Variants in MYO6 observed in about 807,000 individuals in gnomAD.
MYO6 encodes unconventional myosin-VI.
MYO6 carries 74 observed loss-of-function variants against 178.7 expected under a neutral mutation model. That is an observed-to-expected ratio of 0.41 (90% CI 0.34 to 0.50). The LOEUF is 0.50. MYO6 is among the 20% of genes least tolerant of loss of function. MYO6 has a pLI of 0.09. For missense variants in MYO6, 1,330 were observed against 1,547.4 expected (o/e 0.86, Z 2.36); for synonymous variants, 477 against 504.6 (o/e 0.95, Z 0.73).
chr6:75,833,314 T>TA (rs1773317555), intron 6 of MYO6, among the ~76,000 whole-genome samples: 1 of 152,174 alleles, frequency 6.6e-6, no homozygotes, highest in Admixed American at 6.5e-5. Context: ...TTTTTTCTGG[T>TA]AAAAAAATAC....
In MYO6 at chr6:75,916,270, C is replaced by A. The variant is rs1240775386; in HGVS notation, c.*1258C>A. Reference sequence around the variant, plus strand: ...TGCTTTTTCCCCCAGTTTTTAGAGACCCTAACCTTTGAAATGAAATTCCAG... The same window carrying A: ...TGCTTTTTCCCCCAGTTTTTAGAGAACCTAACCTTTGAAATGAAATTCCAG... On this transcript the variant is annotated 3_prime_UTR_variant, in exon 35 of 35. Transcript: ENST00000369977. The A allele has an allele frequency of 3.3e-5, 5 of 152,118 alleles. No individual in the cohort carries two copies. Among genetic ancestry groups the A allele is most frequent in the African/African-American group, 1.2e-4 (5 of 41,402 alleles). The allele number at this position is 152,118 out of a possible 1,614,324, so 9.4% of individuals were successfully genotyped here.
At chr6:75,842,308 A>G (rs900665233) in intron 9 of MYO6, among the ~76,000 whole-genome samples, 1 of 152,152 alleles carries the variant, frequency 6.6e-6, no homozygotes, top group Non-Finnish European at 1.5e-5. Flanking sequence ...TCAGGTTAGA[A>G]AACAGTGTAC....
At chr6:75,838,980 T>C (rs569175131) in intron 7 of MYO6, among the ~76,000 whole-genome samples, 1 of 151,540 alleles carries the variant, frequency 6.6e-6, no homozygotes, top group East Asian at 2.0e-4. Flanking sequence ...GCTTCAGTTT[T>C]TTTATCCCAT....
intron 1 of MYO6, among the ~76,000 whole-genome samples, chr6:75,782,593 C>T (rs1400931737): frequency 6.6e-6 from 1 of 152,128 alleles, no homozygotes; most frequent in African/African-American, 2.4e-5. Context: ...AATGTCTTAC[C>T]ATTCTCTTAA....
At chr6:75,818,868 TAAA>T (rs3839377) in intron 2 of MYO6, among the ~76,000 whole-genome samples, 1 of 149,094 alleles carries the variant, frequency 6.7e-6, no homozygotes, top group Non-Finnish European at 1.5e-5. Context: ...AGTACATGTT[TAAA>T]AAAAAAAGCT....
At chr6:75,904,450 C>T (rs887126877) in intron 30 of MYO6, among the ~76,000 whole-genome samples, 2 of 141,916 alleles carry the variant, frequency 1.4e-5, no homozygotes, top group African/African-American at 2.6e-5. Flanking sequence ...TTTCTCTAAA[C>T]TTCCCTTCTT....
At chr6:75,753,772 A>T (rs1777103360) in intron 1 of MYO6, among the ~76,000 whole-genome samples, 1 of 152,080 alleles carries the variant, frequency 6.6e-6, no homozygotes, top group Non-Finnish European at 1.5e-5. Flanking sequence ...GGCATTATAT[A>T]ATGTTCAGAG....
chr6:75,916,310 C>A lies in MYO6; in HGVS notation c.*1298C>A, dbSNP rs1781117300. On this transcript the variant is annotated 3_prime_UTR_variant, in exon 35 of 35. Transcript: ENST00000369977. Reference sequence around the variant, plus strand: ...TGAAATTCCAGTGATTTCTTTTTTCCCTAGAAAGATTACCTCAGTTAGGGA... The same window carrying A: ...TGAAATTCCAGTGATTTCTTTTTTCACTAGAAAGATTACCTCAGTTAGGGA... 1 of 152,148 alleles carries A rather than the reference C, an allele frequency of 6.6e-6. No individual in the cohort carries two copies. The highest frequency in any genetic ancestry group is 1.5e-5 in the Non-Finnish European group (1 of 67,980). The allele number at this position is 152,148 out of a possible 1,614,324, so 9.4% of individuals were successfully genotyped here.
At chr6:75,911,315 T>A (rs946043496) in intron 32 of MYO6, among the ~76,000 whole-genome samples, 1 of 152,068 alleles carries the variant, frequency 6.6e-6, no homozygotes, top group Non-Finnish European at 1.5e-5. Context: ...TCTCATTATT[T>A]TCTATGAAAA....
chr6:75,787,418 CT>C (rs147430893), intron 1 of MYO6, among the ~76,000 whole-genome samples: 2,459 of 152,180 alleles, frequency 0.016, 65 homozygotes, highest in African/African-American at 0.057. Context: ...TAGAACCCAA[CT>C]ACTGACAGCC....
intron 20 of MYO6, among the ~76,000 whole-genome samples, chr6:75,877,137 T>C (rs1777625643): frequency 6.6e-6 from 1 of 151,848 alleles, no homozygotes; most frequent in Non-Finnish European, 1.5e-5. Flanking sequence ...ACCACCATGC[T>C]GGCTAATTTT....
At chr6:75,866,863 G>T (rs1776748584) in intron 17 of MYO6, 69 bp from the exon 18 acceptor site, 1 of 1,523,726 alleles carries the variant, frequency 6.6e-7, no homozygotes, top group East Asian at 2.3e-5. Flanking sequence ...AAGTTCCTTT[G>T]GACAGAGCCA....
chr6:75,791,197 T>C (rs1768209127), intron 1 of MYO6, among the ~76,000 whole-genome samples: 2 of 152,222 alleles, frequency 1.3e-5, no homozygotes, highest in Admixed American at 1.3e-4. Flanking sequence ...CCTCCCAAAG[T>C]GCTGGGATTA....
intron 1 of MYO6, among the ~76,000 whole-genome samples, chr6:75,791,903 T>A (rs1407023959): frequency 6.6e-6 from 1 of 152,174 alleles, no homozygotes; most frequent in Non-Finnish European, 1.5e-5. Flanking sequence ...TTAAGTAATA[T>A]TTATTAAAAC....
chr6:75,779,267 C>T (rs544139603), intron 1 of MYO6, among the ~76,000 whole-genome samples: 68 of 151,974 alleles, frequency 4.5e-4, no homozygotes, highest in East Asian at 2.9e-3. Flanking sequence ...TTTGGGACGC[C>T]GAGGTGGTCA....
chr6:75,763,282 C>T (rs1305553933), intron 1 of MYO6, among the ~76,000 whole-genome samples: 1 of 152,090 alleles, frequency 6.6e-6, no homozygotes, highest in Non-Finnish European at 1.5e-5. Context: ...CCTTGGCCTC[C>T]CAAAGTGCTG....
chr6:75,914,128 C>T lies in MYO6; in HGVS notation c.3505C>T (p.Arg1169Cys), dbSNP rs144006872. 2.0e-5 allele frequency: 32 copies of T among 1,614,010 alleles called. No individual in the cohort carries two copies. Among genetic ancestry groups the T allele is most frequent in the Admixed American group, 8.3e-5 (5 of 59,998 alleles). Reference sequence around the variant, plus strand: ...GGAGATTGAAATGAACCGACAGCAACGCTTCTTCCGCATCCCATTCATCCG... The same window carrying T: ...GGAGATTGAAATGAACCGACAGCAATGCTTCTTCCGCATCCCATTCATCCG... Reference protein sequence around the residue: ...QREIEMNRQQRFFRIPFIRPA... With the variant: ...QREIEMNRQQCFFRIPFIRPA... The change falls in exon 34 of 35, where the codon CGC becomes TGC. Residue 1169 changes from arginine (R) to cysteine (C), a missense_variant. This residue lies in a region of MYO6 where 601 missense variants were observed against 626.1 expected (regional missense o/e 0.96). Coordinates refer to ENST00000369977, the MANE Select transcript of MYO6 (RefSeq NM_004999.4).
intron 1 of MYO6, among the ~76,000 whole-genome samples, chr6:75,769,207 A>G (rs1583016827): frequency 6.6e-6 from 1 of 152,158 alleles, no homozygotes; most frequent in Admixed American, 6.5e-5. Context: ...TGTCCAAACC[A>G]TATCTTTCCA....
intron 1 of MYO6, among the ~76,000 whole-genome samples, chr6:75,809,641 TG>T (rs1583154197): frequency 6.6e-6 from 1 of 151,580 alleles, no homozygotes; most frequent in African/African-American, 2.4e-5. Context: ...AATCTCGAAG[TG>T]GGGGGGTGGT....
Sources: allele counts gnomAD v4.1 joint callset (sites outside exome capture counted in the v4.1 genomes callset), GRCh38; gene constraint gnomAD v4.1.1; regional missense constraint gnomAD v4.1.1; transcripts MANE v1.5; gene names NCBI Gene and HGNC (gene_info 2026-07-23, HGNC 2026-07-21).